The following ADCY9 variants were observed in gnomAD, a reference collection of about 807,000 sequenced individuals.
The protein encoded by ADCY9 is adenylate cyclase type 9.
ADCY9 carries 50 observed loss-of-function variants against 101.5 expected under a neutral mutation model. The ratio of observed to expected loss-of-function variants is 0.49; its 90% CI spans 0.39 to 0.62. ADCY9 has a LOEUF of 0.62. Among genes scored for constraint, ADCY9 ranks in the 20% least tolerant of loss-of-function variants. The pLI is 0.00. For missense variants in ADCY9, 1,662 were observed against 1,800.4 expected, an observed-to-expected ratio of 0.92 and a Z score of 1.39; for synonymous variants, 905 against 769.3, an observed-to-expected ratio of 1.18 and a Z score of -2.92.
At chr16:3,984,392 C>T (rs2056172907) in intron 6 of ADCY9, among the ~76,000 whole-genome samples, 1 of 152,206 alleles carries the variant, frequency 6.6e-6, no homozygotes, top group Admixed American at 6.5e-5. Flanking sequence ...GAGAGGCACA[C>T]ACTAGTGTTC....
At chr16:4,099,373 G>A (rs992139108) in intron 2 of ADCY9, among the ~76,000 whole-genome samples, 4 of 152,148 alleles carry the variant, frequency 2.6e-5, no homozygotes, top group African/African-American at 9.7e-5. Context: ...GGAACTCGAA[G>A]ATGCACAAAC....
chr16:4,004,027 C>T (rs67900804), intron 3 of ADCY9, among the ~76,000 whole-genome samples: 7,909 of 151,424 alleles, frequency 0.052, 275 homozygotes, highest in Non-Finnish European at 0.084. Flanking sequence ...GAGGCCAAGG[C>T]AGGAGGATGG....
chr16:4,021,879 T>G (rs191199588), intron 2 of ADCY9, among the ~76,000 whole-genome samples: 120 of 152,324 alleles, frequency 7.9e-4, no homozygotes, highest in Non-Finnish European at 2.1e-4. Context: ...TAATAACGCC[T>G]TCTGGAAACT....
intron 2 of ADCY9, among the ~76,000 whole-genome samples, chr16:4,066,043 C>A (rs560937526): frequency 1.3e-5 from 2 of 152,332 alleles, no homozygotes; most frequent in South Asian, 4.1e-4. Flanking sequence ...TTGTTTTCCA[C>A]CTCCTGCTGC....
chr16:4,027,680 C>T (rs538155909), intron 2 of ADCY9, among the ~76,000 whole-genome samples: 1 of 152,198 alleles, frequency 6.6e-6, no homozygotes, highest in East Asian at 1.9e-4. Flanking sequence ...AGTTCGAGAC[C>T]AGCCTGGCCA....
intron 2 of ADCY9, among the ~76,000 whole-genome samples, chr16:4,097,550 T>C (rs2057014763): frequency 4.2e-5 from 2 of 48,020 alleles, no homozygotes; most frequent in African/African-American, 2.9e-4. Flanking sequence ...TATATATATA[T>C]ATATTTTTTT....
chr16:4,064,951 T>C (rs1567134556), intron 2 of ADCY9, among the ~76,000 whole-genome samples: 3 of 152,116 alleles, frequency 2.0e-5, no homozygotes, highest in Admixed American at 1.3e-4. Flanking sequence ...GGCTGGTGAA[T>C]AGGTGAGGGA....
chr16:4,027,615 G>T (rs570384922), intron 2 of ADCY9, among the ~76,000 whole-genome samples: 1 of 152,116 alleles, frequency 6.6e-6, no homozygotes, highest in East Asian at 1.9e-4. Flanking sequence ...GGTGGCTCAC[G>T]CCTGTAATCC....
At chr16:4,094,356 G>C (rs1174945057) in intron 2 of ADCY9, among the ~76,000 whole-genome samples, 1 of 152,142 alleles carries the variant, frequency 6.6e-6, no homozygotes, top group Non-Finnish European at 1.5e-5. Flanking sequence ...GAGGGCAAAG[G>C]TATCCAATGA....
At chr16:4,035,610 C>G (rs2056583872) in intron 2 of ADCY9, among the ~76,000 whole-genome samples, 1 of 152,148 alleles carries the variant, frequency 6.6e-6, no homozygotes, top group Non-Finnish European at 1.5e-5. Flanking sequence ...AGAGCTGCTT[C>G]TTGGTTTCAG....
chr16:4,002,439 A>G (rs1363915170), intron 3 of ADCY9, among the ~76,000 whole-genome samples: 2 of 152,198 alleles, frequency 1.3e-5, no homozygotes, highest in Non-Finnish European at 2.9e-5. Context: ...GAGTGGCCTT[A>G]AAGGGGAAGG....
chr16:4,000,331 G>T (rs1055566762), intron 3 of ADCY9, among the ~76,000 whole-genome samples: 2 of 152,246 alleles, frequency 1.3e-5, no homozygotes, highest in Admixed American at 6.5e-5. Context: ...GCGTAAAGAG[G>T]CGGTGAGCCC....
Position 4,102,879 on chromosome 16 carries a change from G to T in ADCY9, c.1693+10871C>A, listed in dbSNP as rs139971064. On this transcript the variant is annotated intron_variant, in intron 2 of 10. Coordinates refer to ENST00000294016, the MANE Select transcript of ADCY9 (RefSeq NM_001116.4). ...TGGGATTACAGGTGCCCACCACCAC[G>T]CCTGGCTAATTATAGTATTTTTAGG... 1.8e-3 allele frequency among the ~76,000 whole-genome samples: 272 copies of T among 151,662 alleles called. 1 individual carries two copies. Among genetic ancestry groups the T allele is most frequent in the African/African-American group, 6.3e-3 (260 of 41,296 alleles).
chr16:4,072,147 C>T (rs1177528184), intron 2 of ADCY9, among the ~76,000 whole-genome samples: 2 of 152,168 alleles, frequency 1.3e-5, no homozygotes, highest in Non-Finnish European at 2.9e-5. Flanking sequence ...TTTCCATGAC[C>T]AAGGCACTGC....
At chr16:4,054,631 C>T (rs1250136079) in intron 2 of ADCY9, among the ~76,000 whole-genome samples, 4 of 151,364 alleles carry the variant, frequency 2.6e-5, no homozygotes, top group African/African-American at 9.7e-5. Flanking sequence ...AGTGCAGTGG[C>T]ACAATCTCGG....
intron 2 of ADCY9, among the ~76,000 whole-genome samples, chr16:4,031,094 A>G (rs1024073477): frequency 6.6e-6 from 1 of 152,220 alleles, no homozygotes; most frequent in African/African-American, 2.4e-5. Flanking sequence ...CCCTGATTGG[A>G]TCCTGGATGA....
At chr16:4,089,959 C>T (rs991051954) in intron 2 of ADCY9, among the ~76,000 whole-genome samples, 1 of 152,066 alleles carries the variant, frequency 6.6e-6, no homozygotes, top group African/African-American at 2.4e-5. Flanking sequence ...GCTTGAATTA[C>T]ATCCTAACAA....
chr16:4,081,327 C>T (rs1389059161), intron 2 of ADCY9, among the ~76,000 whole-genome samples: 1 of 152,208 alleles, frequency 6.6e-6, no homozygotes, highest in Non-Finnish European at 1.5e-5. Context: ...CCTGCTGTCA[C>T]CATCCTCAGA....
intron 5 of ADCY9, among the ~76,000 whole-genome samples, chr16:3,954,045 G>A (rs759382611): frequency 2.6e-5 from 4 of 152,236 alleles, no homozygotes; most frequent in Non-Finnish European, 5.9e-5. Flanking sequence ...GGATTTCACA[G>A]AGGATGGTAA....
Sources: gnomAD v4.1 joint callset for allele counts (sites outside exome capture counted in the v4.1 genomes callset) on GRCh38, gnomAD v4.1.1 for gene constraint, MANE v1.5 for transcripts, NCBI Gene and HGNC (gene_info 2026-07-23, HGNC 2026-07-21) for gene names.